Variants in SLC12A3 observed in about 807,000 individuals in gnomAD.
SLC12A3 encodes Na-Cl cotransporter.
SLC12A3 carries 104 observed loss-of-function variants against 121.0 expected under a neutral mutation model. The observed-to-expected ratio is 0.86, with a 90% CI of 0.73 to 1.01. The LOEUF (loss-of-function observed/expected upper bound fraction) is 1.01. SLC12A3 is among the 50% of genes least tolerant of loss of function. SLC12A3 has a pLI of 0.00. For synonymous variants in SLC12A3, 536 were observed against 533.4 expected (o/e 1.00, Z -0.07); for missense variants, 1,328 against 1,356.3 (o/e 0.98, Z 0.33).
chr16:56,886,611 G>C (rs991188531), intron 16 of SLC12A3, 136 bp downstream of exon 16: 2 of 804,052 alleles, frequency 2.5e-6, no homozygotes, highest in South Asian at 3.2e-5. Flanking sequence ...ACAGCTCCTG[G>C]GGGAGTCGCC....
At chr16:56,908,659 A>C (rs1296157710) in intron 25 of SLC12A3, among the ~76,000 whole-genome samples, 1 of 152,192 alleles carries the variant, frequency 6.6e-6, no homozygotes, top group African/African-American at 2.4e-5. Flanking sequence ...GCCCAGAACA[A>C]TGCTTCCTGG....
chr16:56,874,664 G>GT (rs1368127490), intron 8 of SLC12A3, among the ~76,000 whole-genome samples: 1 of 152,158 alleles, frequency 6.6e-6, no homozygotes, highest in Non-Finnish European at 1.5e-5. Context: ...AATTAGCCGG[G>GT]TGTGGTGGTG....
chr16:56,891,953 A>G, intron 19 of SLC12A3, 130 bp from the exon 20 acceptor site: 1 of 762,756 alleles, frequency 1.3e-6, no homozygotes, highest in South Asian at 1.4e-5. Flanking sequence ...GGCCAGGTGC[A>G]GTGGGGCTGT....
At chr16:56,892,534 G>A (rs1256014008) in intron 20 of SLC12A3, among the ~76,000 whole-genome samples, 1 of 152,144 alleles carries the variant, frequency 6.6e-6, no homozygotes, top group African/African-American at 2.4e-5. Flanking sequence ...AGGCTCTGGG[G>A]CCCTTGTCCC....
rs776584078 is a variant in SLC12A3, at chr16:56,884,184, A to G, written c.1805A>G (p.Tyr602Cys). 49 of 1,613,792 alleles carry G rather than the reference A, an allele frequency of 3.0e-5. No homozygotes were observed. The highest frequency in any genetic ancestry group is 4.0e-5 in the Non-Finnish European group (47 of 1,179,948). Reference sequence around the variant, plus strand: ...GGCGTGGTGCTCTTCCTCCTGCTCTATGTCATCTACAAGAAGCCAGGTGCG... The same window carrying G: ...GGCGTGGTGCTCTTCCTCCTGCTCTGTGTCATCTACAAGAAGCCAGGTGCG... ...AIGVVLFLLL[Y>C]VIYKKPEVNW... Residue 602 changes from tyrosine (Y) to cysteine (C), a missense_variant, in exon 14 of 26, where the codon TAT becomes TGT. By Grantham distance (194) the Tyr-to-Cys change is radical (BLOSUM62 -2). Transcript: ENST00000563236.
intron 15 of SLC12A3, 105 bp from the exon 16 acceptor site, chr16:56,886,259 C>T: frequency 1.3e-6 from 1 of 779,992 alleles, no homozygotes; most frequent in Non-Finnish European, 2.2e-6. Context: ...TAGGGTCATG[C>T]TGGTGGCCAC....
intron 25 of SLC12A3, among the ~76,000 whole-genome samples, chr16:56,908,542 A>G (rs892324556): frequency 6.6e-6 from 1 of 152,206 alleles, no homozygotes; most frequent in Admixed American, 6.5e-5. Context: ...AAAGAAAAAA[A>G]GAAGAATGTC....
intron 24 of SLC12A3, 107 bp downstream of exon 24, chr16:56,902,615 C>G: frequency 7.3e-7 from 1 of 1,372,818 alleles, no homozygotes; most frequent in Non-Finnish European, 1.0e-6. Flanking sequence ...CTCCACCCTG[C>G]CTTCCACTCC....
intron 25 of SLC12A3, among the ~76,000 whole-genome samples, chr16:56,910,239 T>C (rs1409089947): frequency 6.6e-6 from 1 of 152,262 alleles, no homozygotes; most frequent in East Asian, 1.9e-4. Context: ...AGTGGCAGGA[T>C]CTCGGCTCAC....
chr16:56,869,683 C>A, intron 3 of SLC12A3, 46 bp from the exon 4 acceptor site: 1 of 1,520,208 alleles, frequency 6.6e-7, no homozygotes, highest in Non-Finnish European at 9.1e-7. Flanking sequence ...AACTGGGGCT[C>A]CTCCCTTGGG....
chr16:56,879,848 C>T, intron 11 of SLC12A3, among the ~76,000 whole-genome samples, 199 bp downstream of exon 11: 1 of 152,162 alleles, frequency 6.6e-6, no homozygotes, highest in Admixed American at 6.5e-5. Flanking sequence ...CCTGCAGTCC[C>T]CACCCCAAAC....
chr16:56,889,738 G>T (rs1179013029), intron 18 of SLC12A3, among the ~76,000 whole-genome samples: 1 of 152,180 alleles, frequency 6.6e-6, no homozygotes, highest in Non-Finnish European at 1.5e-5. Flanking sequence ...ACCTCCCAAA[G>T]TGCTGGGATT....
chr16:56,882,754 C>A (rs1438301636), intron 13 of SLC12A3, among the ~76,000 whole-genome samples: 1 of 151,880 alleles, frequency 6.6e-6, no homozygotes, highest in Non-Finnish European at 1.5e-5. Context: ...ACCAGCCTGG[C>A]CAACATGGTG....
Position 56,869,715 on chromosome 16 carries a change from G to A in SLC12A3, c.506-14G>A. ...TGGGAAATGCCCTGCCTAAGCTTTGGGTGCCCCCTGCAGTCCTGACCTGGA... is the reference window on the plus strand; with the variant it reads ...TGGGAAATGCCCTGCCTAAGCTTTGAGTGCCCCCTGCAGTCCTGACCTGGA... On this transcript the variant is annotated splice_polypyrimidine_tract_variant and intron_variant, in intron 3 of 25. Coordinates refer to ENST00000563236, the MANE Select transcript of SLC12A3 (RefSeq NM_001126108.2). 1 of 1,612,646 alleles carries A rather than the reference G, an allele frequency of 6.2e-7. No homozygotes were observed. Among genetic ancestry groups the A allele is most frequent in the Non-Finnish European group, 8.5e-7 (1 of 1,178,724 alleles).
rs776351641 is a variant in SLC12A3 at position 56,872,715 on chromosome 16, G to A, written c.1024G>A (p.Gly342Arg). 3.8e-5 allele frequency: 62 copies of A among 1,614,114 alleles called. 1 individual carries two copies. Among genetic ancestry groups the A allele is most frequent in the South Asian group, 4.4e-5 (4 of 91,090 alleles). ...DWRGPDGTFF[G>R]MFSIFFPSAT... ...GCGGGGTCCAGATGGCACCTTCTTC[G>A]GAATGTTCTCCATCTTCTTCCCCTC... Residue 342 changes from glycine to arginine, a missense_variant, in exon 8 of 26, where the codon GGA (glycine) becomes AGA (arginine). Coordinates refer to ENST00000563236, the MANE Select transcript of SLC12A3 (RefSeq NM_001126108.2).
At chr16:56,894,796 G>A (rs2055440096) in intron 22 of SLC12A3, among the ~76,000 whole-genome samples, 154 bp downstream of exon 22, 2 of 152,112 alleles carry the variant, frequency 1.3e-5, no homozygotes, top group African/African-American at 4.8e-5. Flanking sequence ...CCAGGCCATG[G>A]CAGTGGGCAG....
In SLC12A3 at chr16:56,890,349, G is replaced by C. The variant is rs2055372069; in HGVS notation, c.2361G>C (p.Gln787His). The C allele has an allele frequency of 1.2e-6, 2 of 1,613,882 alleles. No homozygotes were observed. Among genetic ancestry groups the C allele is most frequent in the Non-Finnish European group, 8.5e-7 (1 of 1,179,760 alleles). Residue 787 changes from glutamine to histidine, a missense_variant, in exon 19 of 26, where the codon CAG becomes CAC. By Grantham distance (24) the Gln-to-His change is conservative. Coordinates refer to ENST00000563236, the MANE Select transcript of SLC12A3 (RefSeq NM_001126108.2). ...GACTCAACGTGTCCAAGATGATGCA[G>C]GCGCACAGTGAGTACATGCCCCACC... ...REGLNVSKMM[Q>H]AHINPVFDPA...
At chr16:56,872,985 G>A (rs1389675345) in intron 8 of SLC12A3, among the ~76,000 whole-genome samples, 199 bp downstream of exon 8, 3 of 152,214 alleles carry the variant, frequency 2.0e-5, no homozygotes, top group Non-Finnish European at 4.4e-5. Flanking sequence ...GACCAGCTGC[G>A]TTCTAGGCTT....
chr16:56,871,959 G>A (rs1308861233), intron 6 of SLC12A3, among the ~76,000 whole-genome samples: 1 of 152,096 alleles, frequency 6.6e-6, no homozygotes, highest in Admixed American at 6.6e-5. Context: ...CTGACCTCAG[G>A]TGATCCGCCC....
Sources: gnomAD v4.1 joint callset for allele counts (sites outside exome capture counted in the v4.1 genomes callset) on GRCh38, gnomAD v4.1.1 for gene constraint, MANE v1.5 for transcripts, NCBI Gene and HGNC (gene_info 2026-07-23, HGNC 2026-07-21) for gene names.